Variants in CEP135 observed in about 807,000 individuals in gnomAD.
The protein encoded by CEP135 is centrosomal protein of 135 kDa.
A neutral mutation model predicts 157.3 loss-of-function variants in CEP135; 142 were observed. The observed-to-expected ratio is 0.90, with a 90% CI of 0.79 to 1.04. The LOEUF (loss-of-function observed/expected upper bound fraction) is 1.04, where lower values mean the gene tolerates loss of function less well. Among genes scored for constraint, CEP135 ranks in the 50% least tolerant of loss-of-function variants. The probability of loss-of-function intolerance (pLI) is 0.00; values close to 1 mark genes in which losing one functional copy is unlikely to be tolerated. For synonymous variants in CEP135, 396 were observed against 439.8 expected, an observed-to-expected ratio of 0.90 and a Z score of 1.25; for missense variants, 1,317 against 1,309.2, an observed-to-expected ratio of 1.01 and a Z score of -0.09.
intron 15 of CEP135, among the ~76,000 whole-genome samples, chr4:55,994,048 C>G (rs1469505130): frequency 1.3e-5 from 2 of 152,182 alleles, no homozygotes; most frequent in African/African-American, 4.8e-5. Flanking sequence ...TTCTCCATAT[C>G]AGTAAGTATT....
At chr4:56,027,774 A>G (rs993980688) in intron 25 of CEP135, among the ~76,000 whole-genome samples, 2 of 151,986 alleles carry the variant, frequency 1.3e-5, no homozygotes, top group African/African-American at 2.4e-5. Flanking sequence ...TGAAACCTCA[A>G]ACTCTCCTGA....
At chr4:55,992,416 G>A (rs540991383) in intron 15 of CEP135, among the ~76,000 whole-genome samples, 1 of 152,280 alleles carries the variant, frequency 6.6e-6, no homozygotes, top group South Asian at 2.1e-4. Context: ...CATAGTGTAA[G>A]ATACTGAAAA....
At chr4:56,024,045 TTATAA>T (rs1234191650) in intron 24 of CEP135, among the ~76,000 whole-genome samples, 1 of 143,372 alleles carries the variant, frequency 7.0e-6, no homozygotes, top group Admixed American at 7.1e-5. Flanking sequence ...ATTGTATATT[TTATAA>T]TATATGTTAC....
chr4:55,993,235 G>C (rs1729854202), intron 15 of CEP135, among the ~76,000 whole-genome samples: 1 of 152,088 alleles, frequency 6.6e-6, no homozygotes, highest in South Asian at 2.1e-4. Flanking sequence ...TGAGAAAAAA[G>C]ACATAGTTCC....
rs1444689633 is a variant in CEP135 at position 55,981,315 on chromosome 4, A to G, written c.1715A>G (p.Glu572Gly). 1.3e-6 allele frequency: 2 copies of G among 1,597,712 alleles called. No homozygotes were observed. The highest frequency in any genetic ancestry group is 4.5e-5 in the East Asian group (2 of 44,020). ...GTTAGTCTTATGGAAAAGGAAAAAG[A>G]ACTTGCGTTATCTGACTTAAGAAGA... The part of the protein sequence containing the change: ...NIVSLMEKEK[E>G]LALSDLRRIM... The change falls in exon 13 of 26, where the codon GAA becomes GGA. Residue 572 changes from glutamate (E) to glycine (G), a missense_variant. Glu to Gly is a moderately conservative substitution (Grantham distance 98). Coordinates refer to ENST00000257287, the MANE Select transcript of CEP135 (RefSeq NM_025009.5).
At chr4:55,950,064 TC>T (rs1728313507) in intron 1 of CEP135, among the ~76,000 whole-genome samples, 4 of 152,014 alleles carry the variant, frequency 2.6e-5, no homozygotes, top group Non-Finnish European at 1.5e-5. Flanking sequence ...TGCAGGAATT[TC>T]CCTAAAAACC....
At chr4:55,997,294 A>T (rs1318008483) in intron 15 of CEP135, among the ~76,000 whole-genome samples, 2 of 152,202 alleles carry the variant, frequency 1.3e-5, no homozygotes, top group Admixed American at 1.3e-4. Context: ...CTACCCTAGA[A>T]TATAAAAAGA....
At chr4:55,980,581 GC>G (rs1408566683) in intron 12 of CEP135, among the ~76,000 whole-genome samples, 4 of 152,170 alleles carry the variant, frequency 2.6e-5, no homozygotes, top group Admixed American at 2.0e-4. Flanking sequence ...CTGACTCTGA[GC>G]CAAATTTATG....
At chr4:56,008,297 A>C in intron 17 of CEP135, 30 bp from the exon 18 acceptor site, 1 of 1,558,652 alleles carries the variant, frequency 6.4e-7, no homozygotes. Flanking sequence ...TTTTGGTTTA[A>C]AATCTTACAC....
chr4:55,994,620 C>A (rs28678114), intron 15 of CEP135, among the ~76,000 whole-genome samples: 1 of 152,064 alleles, frequency 6.6e-6, no homozygotes, highest in Non-Finnish European at 1.5e-5. Context: ...TTTTTCCCTT[C>A]CTGCTTCAGG....
In CEP135 at chr4:55,981,281, C is replaced by T. The variant is rs1258654371; in HGVS notation, c.1681C>T (p.His561Tyr). 1.9e-6 allele frequency: 3 copies of T among 1,597,646 alleles called. No individual in the cohort carries two copies. Among genetic ancestry groups the T allele is most frequent in the African/African-American group, 2.7e-5 (2 of 73,588 alleles). Residue 561 changes from histidine to tyrosine, a missense_variant, in exon 13 of 26, where the codon CAT becomes TAT. Coordinates refer to ENST00000257287, the MANE Select transcript of CEP135 (RefSeq NM_025009.5). ...GGAATCCACCCAAACCACAGCACCCCATAATATTGTTAGTCTTATGGAAAA... is the reference window on the plus strand; with the variant it reads ...GGAATCCACCCAAACCACAGCACCCTATAATATTGTTAGTCTTATGGAAAA... Reference protein sequence around the residue: ...RKESTQTTAPHNIVSLMEKEK... With the variant: ...RKESTQTTAPYNIVSLMEKEK...
At chr4:56,024,098 G>C (rs1731072118) in intron 24 of CEP135, among the ~76,000 whole-genome samples, 1 of 141,194 alleles carries the variant, frequency 7.1e-6, no homozygotes, top group African/African-American at 2.6e-5. Context: ...ATTAGTATTA[G>C]TTATATGGTA....
chr4:55,997,197 T>G (rs904393090), intron 15 of CEP135, among the ~76,000 whole-genome samples: 1 of 152,224 alleles, frequency 6.6e-6, no homozygotes, highest in African/African-American at 2.4e-5. Flanking sequence ...CTCAACTGTT[T>G]CGTTGAGAGG....
chr4:56,025,766 TATA>T (rs953389040), intron 25 of CEP135, among the ~76,000 whole-genome samples: 3 of 152,050 alleles, frequency 2.0e-5, no homozygotes, highest in Admixed American at 6.6e-5. Context: ...TCAGGATTAG[TATA>T]ATAACATTGA....
chr4:55,962,168 C>T (rs1364718909), intron 6 of CEP135, among the ~76,000 whole-genome samples: 2 of 151,922 alleles, frequency 1.3e-5, no homozygotes, highest in East Asian at 3.9e-4. Context: ...GGCGCGATCT[C>T]GGCTCACTGC....
At chr4:56,000,713 C>T (rs759680028) in intron 17 of CEP135, among the ~76,000 whole-genome samples, 25 of 152,048 alleles carry the variant, frequency 1.6e-4, no homozygotes, top group Non-Finnish European at 3.2e-4. Context: ...GTATATATAC[C>T]GGGGGCAGAT....
intron 4 of CEP135, among the ~76,000 whole-genome samples, chr4:55,955,465 G>A (rs114532785): frequency 2.1e-3 from 314 of 152,264 alleles, no homozygotes; most frequent in African/African-American, 7.0e-3. Context: ...AAGCCAGGTG[G>A]GGGAAGACTC....
At chr4:55,966,040 AGTT>A in intron 8 of CEP135, 181 bp downstream of exon 8, 1 of 549,596 alleles carries the variant, frequency 1.8e-6, no homozygotes, top group African/African-American at 1.9e-5. Context: ...AAATGATTGT[AGTT>A]GTTTTAGTTG....
At chr4:56,030,364 T>C (rs754420876) in intron 25 of CEP135, among the ~76,000 whole-genome samples, 12 of 152,248 alleles carry the variant, frequency 7.9e-5, no homozygotes, top group African/African-American at 2.7e-4. Flanking sequence ...TATAATCTTA[T>C]GGGACCACAG....
Sources: gnomAD v4.1 joint callset for allele counts (sites outside exome capture counted in the v4.1 genomes callset) on GRCh38, gnomAD v4.1.1 for gene constraint, MANE v1.5 for transcripts, NCBI Gene and HGNC (gene_info 2026-07-23, HGNC 2026-07-21) for gene names.